The following CNTNAP2 variants were observed in gnomAD, a reference collection of about 807,000 sequenced individuals.
CNTNAP2 encodes contactin associated protein 2, also known as contactin-associated protein-like 2.
In CNTNAP2, 98 loss-of-function variants were observed where a neutral mutation model predicts 155.2. That is an observed-to-expected ratio of 0.63 (90% CI 0.54 to 0.75). The LOEUF (loss-of-function observed/expected upper bound fraction) is 0.75. CNTNAP2 is among the 30% of genes least tolerant of loss of function. The pLI, the probability that CNTNAP2 is intolerant of heterozygous loss-of-function variation, is 0.00. For synonymous variants in CNTNAP2, 651 were observed against 631.2 expected (o/e 1.03, Z -0.47); for missense variants, 1,727 against 1,688.1 (o/e 1.02, Z -0.40).
chr7:146,241,641 A>G (rs1799564664), intron 1 of CNTNAP2, among the ~76,000 whole-genome samples: 1 of 152,104 alleles, frequency 6.6e-6, no homozygotes, highest in South Asian at 2.1e-4. Flanking sequence ...CCACAAATCT[A>G]TTTCTAAATA....
At chr7:147,973,572 TA>T (rs901721405) in intron 14 of CNTNAP2, among the ~76,000 whole-genome samples, 6 of 152,198 alleles carry the variant, frequency 3.9e-5, no homozygotes, top group Non-Finnish European at 7.3e-5. Context: ...ATTGATAGAT[TA>T]GGGGTAAATG....
At chr7:147,307,071 G>C (rs1169956720) in intron 9 of CNTNAP2, among the ~76,000 whole-genome samples, 2 of 152,036 alleles carry the variant, frequency 1.3e-5, no homozygotes, top group African/African-American at 4.8e-5. Flanking sequence ...TGTACGATGG[G>C]CATCTACTAA....
chr7:146,118,906 T>C (rs1797524378), intron 1 of CNTNAP2, among the ~76,000 whole-genome samples: 1 of 152,124 alleles, frequency 6.6e-6, no homozygotes, highest in Non-Finnish European at 1.5e-5. Flanking sequence ...TCGTTTGAAT[T>C]TAAACTGTGT....
intron 1 of CNTNAP2, among the ~76,000 whole-genome samples, chr7:146,313,307 G>A (rs1313924399): frequency 2.0e-5 from 3 of 152,080 alleles, no homozygotes; most frequent in Non-Finnish European, 4.4e-5. Context: ...TCTGATGATT[G>A]GAGATGTGGA....
chr7:147,048,105 C>G (rs900982162), intron 4 of CNTNAP2, among the ~76,000 whole-genome samples: 1 of 130,816 alleles, frequency 7.6e-6, no homozygotes, highest in East Asian at 2.3e-4. Context: ...GATGGAGTCT[C>G]GCTCTGTTGC....
At chr7:146,764,066 A>G (rs1339744123) in intron 1 of CNTNAP2, among the ~76,000 whole-genome samples, 1 of 152,200 alleles carries the variant, frequency 6.6e-6, no homozygotes, top group Non-Finnish European at 1.5e-5. Flanking sequence ...ACTTTCAGTT[A>G]ACCAGTTAAT....
At position 146,353,226 on chromosome 7, in the gene CNTNAP2, C is replaced by T. The variant is rs537596561; in HGVS notation, c.97+236253C>T. Reference sequence around the variant, plus strand: ...TCAATGCCGTACATATTAATGCCTCCTCCTCACTGAGTCTCATGCTTAGTC... The same window carrying T: ...TCAATGCCGTACATATTAATGCCTCTTCCTCACTGAGTCTCATGCTTAGTC... On this transcript the variant is annotated intron_variant, in intron 1 of 23. Transcript: ENST00000361727. 9.9e-5 allele frequency among the ~76,000 whole-genome samples: 15 copies of T among 152,264 alleles called. No individual in the cohort carries two copies. The South Asian group carries it at 3.1e-3, about 32-fold the overall frequency.
rs1449483896 is a variant in CNTNAP2, at chr7:146,373,399, A to AACATAT, written c.97+256429_97+256430insTATACA. Among the ~76,000 whole-genome samples, 334 of 131,166 alleles carry AACATAT rather than the reference A, an allele frequency of 2.5e-3. 2 individuals are homozygous for AACATAT. Among genetic ancestry groups the AACATAT allele is most frequent in the African/African-American group, 0.014 (323 of 23,162 alleles). The allele number at this position is 131,166 out of a possible 152,430, so 86.0% of individuals were successfully genotyped here. A position where few individuals can be genotyped will look rare whatever the true frequency, so the allele number is the denominator to read the frequency against. On this transcript the variant is annotated intron_variant, in intron 1 of 23. Coordinates refer to ENST00000361727, the MANE Select transcript of CNTNAP2 (RefSeq NM_014141.6). ...ATACACAGAAAAATAAAAGGAACTT[A>AACATAT]ACACATACACACACACACACACACA...
At chr7:147,754,477 A>C (rs1797187660) in intron 13 of CNTNAP2, among the ~76,000 whole-genome samples, 1 of 152,216 alleles carries the variant, frequency 6.6e-6, no homozygotes, top group Admixed American at 6.5e-5. Context: ...TTAAAAACAA[A>C]TTAAAAGGTA....
At chr7:147,983,869 T>C (rs1178306649) in intron 15 of CNTNAP2, among the ~76,000 whole-genome samples, 2 of 152,160 alleles carry the variant, frequency 1.3e-5, no homozygotes, top group Non-Finnish European at 2.9e-5. Flanking sequence ...ATGTTTCCAT[T>C]TAGACCTTTA....
At chr7:148,079,610 G>T (rs550787653) in intron 15 of CNTNAP2, among the ~76,000 whole-genome samples, 2 of 152,174 alleles carry the variant, frequency 1.3e-5, no homozygotes, top group Non-Finnish European at 2.9e-5. Flanking sequence ...ACAGAAGTTA[G>T]ATTTTTCCCC....
At chr7:147,902,556 C>A (rs373528018) in intron 13 of CNTNAP2, among the ~76,000 whole-genome samples, 3 of 151,992 alleles carry the variant, frequency 2.0e-5, no homozygotes, top group African/African-American at 7.2e-5. Flanking sequence ...TCCCTCACCC[C>A]CTTCCCACCC....
intron 1 of CNTNAP2, among the ~76,000 whole-genome samples, chr7:146,303,195 G>T (rs1429304632): frequency 6.6e-6 from 1 of 151,720 alleles, no homozygotes; most frequent in Non-Finnish European, 1.5e-5. Flanking sequence ...GGGGAAACAA[G>T]AGAAAAGAAC....
chr7:147,633,926 A>G (rs936117360), intron 12 of CNTNAP2, among the ~76,000 whole-genome samples: 4 of 152,192 alleles, frequency 2.6e-5, no homozygotes, highest in Non-Finnish European at 4.4e-5. Flanking sequence ...TATTCCTGCA[A>G]GAATGGCCAT....
chr7:146,706,683 G>A (rs533363823), intron 1 of CNTNAP2, among the ~76,000 whole-genome samples: 6 of 152,096 alleles, frequency 3.9e-5, no homozygotes, highest in East Asian at 1.9e-4. Context: ...ACCAAATACC[G>A]CATGTTCTCA....
intron 3 of CNTNAP2, among the ~76,000 whole-genome samples, chr7:146,919,703 T>G (rs1252199572): frequency 2.0e-5 from 3 of 152,274 alleles, no homozygotes; most frequent in African/African-American, 7.2e-5. Context: ...GCACATCAGC[T>G]AAGGCAGTAT....
At chr7:146,376,656 A>C in intron 1 of CNTNAP2, among the ~76,000 whole-genome samples, 1 of 152,086 alleles carries the variant, frequency 6.6e-6, no homozygotes, top group East Asian at 1.9e-4. Context: ...CTCATGCCCC[A>C]TGACTTATCT....
At chr7:146,825,862 A>C (rs986696309) in intron 2 of CNTNAP2, among the ~76,000 whole-genome samples, 2 of 152,186 alleles carry the variant, frequency 1.3e-5, no homozygotes, top group African/African-American at 4.8e-5. Context: ...TGAATGCAAC[A>C]TTGTATATCA....
chr7:146,658,384 C>CAAA (rs200493732), intron 1 of CNTNAP2, among the ~76,000 whole-genome samples: 250 of 139,714 alleles, frequency 1.8e-3, no homozygotes, highest in Non-Finnish European at 2.9e-3. Context: ...TGATTTCTGC[C>CAAA]AAAAAAAAAA....
Sources: gnomAD v4.1 joint callset for allele counts (sites outside exome capture counted in the v4.1 genomes callset) on GRCh38, gnomAD v4.1.1 for gene constraint, MANE v1.5 for transcripts, NCBI Gene and HGNC (gene_info 2026-07-23, HGNC 2026-07-21) for gene names.